The following CATSPER3 variants were observed in gnomAD, a reference collection of about 807,000 sequenced individuals.
The protein encoded by CATSPER3 is cation channel sperm-associated protein 3.
A neutral mutation model predicts 36.6 loss-of-function variants in CATSPER3; 23 were observed. The ratio of observed to expected loss-of-function variants is 0.63; its 90% CI spans 0.45 to 0.89. The LOEUF (loss-of-function observed/expected upper bound fraction) is 0.89, where lower values mean the gene tolerates loss of function less well. Among genes scored for constraint, CATSPER3 ranks in the 40% least tolerant of loss-of-function variants. The pLI is 0.00. For synonymous variants in CATSPER3, 172 were observed against 184.1 expected (o/e 0.93, Z 0.53); for missense variants, 474 against 503.9 (o/e 0.94, Z 0.57).
intron 2 of CATSPER3, among the ~76,000 whole-genome samples, chr5:134,990,288 C>T (rs1751862052): frequency 6.6e-6 from 1 of 152,120 alleles, no homozygotes; most frequent in Non-Finnish European, 1.5e-5. Flanking sequence ...AGACATCATT[C>T]AACATATGTA....
chr5:134,997,626 A>G (rs553896072), intron 3 of CATSPER3, among the ~76,000 whole-genome samples: 60 of 152,224 alleles, frequency 3.9e-4, no homozygotes, highest in African/African-American at 1.4e-3. Flanking sequence ...GTTTTCCTCC[A>G]GCCTGACTTC....
intron 3 of CATSPER3, among the ~76,000 whole-genome samples, chr5:135,006,263 G>A (rs935122696): frequency 2.6e-5 from 4 of 152,184 alleles, no homozygotes; most frequent in Admixed American, 1.3e-4. Flanking sequence ...CCAGGAGAGC[G>A]TGTCTGTTCC....
At chr5:135,007,741 C>G (rs1752108327) in intron 3 of CATSPER3, among the ~76,000 whole-genome samples, 2 of 152,230 alleles carry the variant, frequency 1.3e-5, no homozygotes, top group South Asian at 4.1e-4. Context: ...TGATCCAGCC[C>G]TCAATCTGGG....
intron 2 of CATSPER3, among the ~76,000 whole-genome samples, chr5:134,983,865 T>A (rs1043989585): frequency 2.6e-5 from 4 of 152,186 alleles, no homozygotes; most frequent in African/African-American, 9.7e-5. Flanking sequence ...TCTGGAAGCA[T>A]CACATTATCC....
intron 4 of CATSPER3, 115 bp from the exon 5 acceptor site, chr5:135,008,726 G>C: frequency 2.3e-6 from 2 of 853,560 alleles, no homozygotes; most frequent in Non-Finnish European, 4.0e-6. Context: ...AGGGGATGAC[G>C]TGGAAGCGGA....
chr5:134,998,553 C>A (rs984608627), intron 3 of CATSPER3, among the ~76,000 whole-genome samples: 5 of 152,222 alleles, frequency 3.3e-5, no homozygotes, highest in Admixed American at 3.3e-4. Context: ...AAAAGTGTTC[C>A]TATTTCTCCA....
chr5:135,008,718 G>T, intron 4 of CATSPER3, 123 bp from the exon 5 acceptor site: 1 of 792,552 alleles, frequency 1.3e-6, no homozygotes, highest in East Asian at 2.6e-5. Flanking sequence ...AGGTGTTGAG[G>T]GGATGACGTG....
At chr5:135,000,087 G>A (rs113009945) in intron 3 of CATSPER3, among the ~76,000 whole-genome samples, 18,043 of 152,114 alleles carry the variant, frequency 0.12, 3,442 homozygotes, top group African/African-American at 0.41. Context: ...CGTCCCATCA[G>A]TACCTAATTT....
chr5:134,991,534 T>G (rs1751879178), intron 2 of CATSPER3, among the ~76,000 whole-genome samples: 1 of 152,214 alleles, frequency 6.6e-6, no homozygotes, highest in African/African-American at 2.4e-5. Context: ...TCAAGACCAT[T>G]CAATGGGGAA....
At chr5:134,997,312 C>G (rs577385104) in intron 3 of CATSPER3, among the ~76,000 whole-genome samples, 1 of 152,338 alleles carries the variant, frequency 6.6e-6, no homozygotes, top group East Asian at 1.9e-4. Flanking sequence ...AGAAGGGGAA[C>G]GTTAGAGGTC....
chr5:134,994,674 T>C (rs1246524201), intron 2 of CATSPER3, among the ~76,000 whole-genome samples: 2 of 152,202 alleles, frequency 1.3e-5, no homozygotes, highest in Non-Finnish European at 1.5e-5. Context: ...GAGGCTGAGA[T>C]TAAAATTCAA....
chr5:135,010,454 G>C lies in CATSPER3; in HGVS notation c.1018G>C (p.Asp340His), dbSNP rs761386655. The C allele has an allele frequency of 1.2e-6, 2 of 1,613,826 alleles. No homozygotes were observed. The highest frequency in any genetic ancestry group is 2.7e-5 in the African/African-American group (2 of 75,036). Reference protein sequence around the residue: ...TLSHTDPMVLDDFGTSLPFID... With the variant: ...TLSHTDPMVLHDFGTSLPFID... ...GAGCCACACTGACCCAATGGTCTTGGATGATTTTGGCACTAGCTTACCCTT... is the reference window on the plus strand; with the variant it reads ...GAGCCACACTGACCCAATGGTCTTGCATGATTTTGGCACTAGCTTACCCTT... The change falls in exon 7 of 8, where the codon GAT (aspartate) becomes CAT (histidine). Residue 340 changes from aspartate (D) to histidine (H), a missense_variant. Physicochemically the swap from Asp to His is moderately conservative, Grantham distance 81. Transcript: ENST00000282611.
chr5:134,989,446 A>G (rs900171757), intron 2 of CATSPER3, among the ~76,000 whole-genome samples: 3 of 152,206 alleles, frequency 2.0e-5, no homozygotes, highest in Admixed American at 6.5e-5. Flanking sequence ...GAGTGTAGCT[A>G]CTTTCATCAA....
intron 3 of CATSPER3, among the ~76,000 whole-genome samples, chr5:135,005,691 A>T (rs2149552955): frequency 6.6e-6 from 1 of 152,388 alleles, no homozygotes; most frequent in Admixed American, 6.5e-5. Context: ...ATTAATTAAA[A>T]TGACACTCTG....
intron 3 of CATSPER3, among the ~76,000 whole-genome samples, chr5:135,006,026 C>A (rs369624109): frequency 8.5e-5 from 13 of 152,174 alleles, no homozygotes; most frequent in East Asian, 7.7e-4. Flanking sequence ...AATTGCCCCC[C>A]CAAAAGAATT....
chr5:135,009,395 G>A lies in CATSPER3; in HGVS notation c.841G>A (p.Glu281Lys). The A allele has an allele frequency of 6.2e-7, 1 of 1,613,530 alleles. No individual in the cohort carries two copies. Among genetic ancestry groups the A allele is most frequent in the Non-Finnish European group, 8.5e-7 (1 of 1,179,696 alleles). ...GGACTCCATCAGAAAGTTTGAGCGA[G>A]AGCTGATGTTGGAGCAGCAGGAGAT... is the stretch of plus-strand genomic sequence containing the variant. ...TEDSIRKFER[E>K]LMLEQQEMLM... Residue 281 changes from glutamate (E) to lysine (K), a missense_variant, in exon 6 of 8, where the codon GAG becomes AAG. Glu to Lys is a moderately conservative substitution (Grantham distance 56). Transcript: ENST00000282611.
rs1561455807 is a variant in CATSPER3, at chr5:134,968,048, C to T, written c.57C>T (p.Asp19=). The T allele has an allele frequency of 3.1e-6, 5 of 1,613,840 alleles. No individual in the cohort carries two copies. Among genetic ancestry groups the T allele is most frequent in the East Asian group, 2.2e-5 (1 of 44,906 alleles). ...HSRVISSSPV[D]TTSVGFCPTF... ...GAGTCATTTCTAGTTCACCAGTTGA[C>T]ACTACATCGGTGGGATTTTGCCCAA... The change falls in exon 1 of 8, where the codon GAC becomes GAT. Residue 19 remains aspartate (D), a synonymous_variant. Coordinates refer to ENST00000282611, the MANE Select transcript of CATSPER3 (RefSeq NM_178019.3).
intron 7 of CATSPER3, 63 bp downstream of exon 7, chr5:135,010,593 T>C (rs1179490968): frequency 1.4e-6 from 2 of 1,475,704 alleles, no homozygotes; most frequent in Non-Finnish European, 9.5e-7. Flanking sequence ...CTGTGTCAGG[T>C]GCCCTGGGAG....
chr5:135,009,894 A>G (rs888962291), intron 6 of CATSPER3, among the ~76,000 whole-genome samples: 5 of 152,208 alleles, frequency 3.3e-5, no homozygotes, highest in African/African-American at 1.2e-4. Context: ...GTTCTCTCAC[A>G]TTCCTAAACC....
Sources: allele counts gnomAD v4.1 joint callset (sites outside exome capture counted in the v4.1 genomes callset), GRCh38; gene constraint gnomAD v4.1.1; transcripts MANE v1.5; gene names NCBI Gene and HGNC (gene_info 2026-07-23, HGNC 2026-07-21).